Variants in DDC observed in about 807,000 individuals in gnomAD.
The protein encoded by DDC is dopa decarboxylase.
DDC carries 43 observed loss-of-function variants against 60.0 expected under a neutral mutation model. That is an observed-to-expected ratio of 0.72 (90% CI 0.56 to 0.92). The LOEUF is 0.92. Among genes scored for constraint, DDC ranks in the 40% least tolerant of loss-of-function variants. The probability of loss-of-function intolerance (pLI) is 0.00; values close to 1 mark genes in which losing one functional copy is unlikely to be tolerated. For missense variants in DDC, 573 were observed against 620.2 expected, an observed-to-expected ratio of 0.92 and a Z score of 0.81; for synonymous variants, 232 against 234.6, an observed-to-expected ratio of 0.99 and a Z score of 0.10.
intron 1 of DDC, among the ~76,000 whole-genome samples, chr7:50,552,099 G>A (rs1459971225): frequency 6.6e-6 from 1 of 152,176 alleles, no homozygotes; most frequent in Non-Finnish European, 1.5e-5. Flanking sequence ...TGTAAAGTAA[G>A]ACCTGGTTCT....
rs546044429 is a variant in DDC at position 50,494,293 on chromosome 7, G to A, written c.944+1057C>T. Among the ~76,000 whole-genome samples the A allele has an allele frequency of 1.3e-4, 20 of 152,268 alleles. No individual in the cohort carries two copies. In the East Asian group the frequency reaches 3.3e-3, roughly 25 times the overall value. Reference sequence around the variant, plus strand: ...GAGGCCGAGGAGGGTGGATCATGAGGTCAGGAGATCGAGACCATCCTGCCT... The same window carrying A: ...GAGGCCGAGGAGGGTGGATCATGAGATCAGGAGATCGAGACCATCCTGCCT... On this transcript the variant is annotated intron_variant, in intron 9 of 14. Transcript: ENST00000444124.
intron 6 of DDC, among the ~76,000 whole-genome samples, chr7:50,518,005 C>G (rs2043784201): frequency 6.6e-6 from 1 of 151,732 alleles, no homozygotes; most frequent in African/African-American, 2.4e-5. Flanking sequence ...TTCAGGAGAT[C>G]AAGAAGATGC....
chr7:50,511,550 A>G (rs2043581012), intron 6 of DDC, among the ~76,000 whole-genome samples: 1 of 152,098 alleles, frequency 6.6e-6, no homozygotes, highest in Non-Finnish European at 1.5e-5. Flanking sequence ...AACACGGTGA[A>G]ACCGTGTCTC....
At chr7:50,551,964 C>T (rs531850255) in intron 1 of DDC, among the ~76,000 whole-genome samples, 3 of 152,204 alleles carry the variant, frequency 2.0e-5, no homozygotes, top group Non-Finnish European at 2.9e-5. Context: ...TTCAGAAAGA[C>T]GCTCAGCTTC....
chr7:50,538,100 T>C, intron 3 of DDC, 121 bp from the exon 4 acceptor site: 1 of 1,274,784 alleles, frequency 7.8e-7, no homozygotes, highest in Non-Finnish European at 1.1e-6. Flanking sequence ...CAATCTCAGA[T>C]GTGATTCAAA....
At chr7:50,493,024 A>C (rs190126120) in intron 9 of DDC, 1 of 1,573,310 alleles carries the variant, frequency 6.4e-7, no homozygotes, top group African/African-American at 1.3e-5. Flanking sequence ...AGGACGCCGC[A>C]TTCATTACAC....
chr7:50,498,245 C>G (rs565148081), intron 8 of DDC, among the ~76,000 whole-genome samples: 2 of 152,250 alleles, frequency 1.3e-5, no homozygotes, highest in Non-Finnish European at 2.9e-5. Flanking sequence ...ATCTAGGATT[C>G]AAACCAAGGA....
intron 6 of DDC, among the ~76,000 whole-genome samples, chr7:50,518,798 A>G (rs1368267100): frequency 1.3e-5 from 2 of 152,240 alleles, no homozygotes; most frequent in African/African-American, 4.8e-5. Flanking sequence ...AGAAGATAAC[A>G]TTGGAAAAAC....
intron 4 of DDC, among the ~76,000 whole-genome samples, chr7:50,534,987 A>G (rs1001119090): frequency 5.3e-5 from 8 of 152,210 alleles, no homozygotes; most frequent in Non-Finnish European, 1.2e-4. Flanking sequence ...ATCTTGGCCA[A>G]GGAGGCTTCT....
chr7:50,560,232 T>C (rs956989711), intron 1 of DDC, among the ~76,000 whole-genome samples: 1 of 152,190 alleles, frequency 6.6e-6, no homozygotes, highest in Non-Finnish European at 1.5e-5. Flanking sequence ...GAAACTCTGC[T>C]TATCTGAATG....
intron 9 of DDC, chr7:50,493,130 C>G (rs1018069972): frequency 6.4e-5 from 50 of 785,030 alleles, no homozygotes; most frequent in Non-Finnish European, 8.5e-5. Context: ...GTAAAGAGAG[C>G]GTGGCAATGT....
intron 6 of DDC, among the ~76,000 whole-genome samples, chr7:50,514,216 C>G (rs142109027): frequency 1.7e-4 from 26 of 152,290 alleles, no homozygotes; most frequent in African/African-American, 6.3e-4. Flanking sequence ...TGGCCAGACC[C>G]AGAAAAGAGA....
rs1224899697 is a variant in DDC, at chr7:50,528,274, A to C, written c.577T>G (p.Ser193Ala). The change falls in exon 6 of 15, where the codon TCC (serine) becomes GCC (alanine). Residue 193 changes from serine (S) to alanine (A), a missense_variant. Ser to Ala is a moderately conservative substitution (Grantham distance 99, BLOSUM62 1). Transcript: ENST00000444124. ...ATTAACCCAGCTCTTTCCACTGAGG[A>C]GTGTGCCTGGAAAGAAGACAGCAGA... ...LVAYSSDQAH[S>A]SVERAGLIGG... 1 of 1,614,030 alleles carries C rather than the reference A, an allele frequency of 6.2e-7. No homozygotes were observed.
Position 50,543,912 on chromosome 7 carries a change from G to C in DDC, c.174C>G (p.Asn58Lys), listed in dbSNP as rs200233157. ...CAGGCATGATTATCTTCTCAACGTC[G>C]TTGATGATGTCCTCAAACGTGTCTG... ...QEPDTFEDII[N>K]DVEKIIMPGV... The change falls in exon 2 of 15, where the codon AAC (asparagine) becomes AAG (lysine). Residue 58 changes from asparagine (N) to lysine (K), a missense_variant. Asn to Lys is a moderately conservative substitution (Grantham distance 94). Transcript: ENST00000444124. 6.2e-7 allele frequency: 1 copy of C among 1,614,152 alleles called. No individual in the cohort carries two copies. Among genetic ancestry groups the C allele is most frequent in the East Asian group, 2.2e-5 (1 of 44,882 alleles).
intron 9 of DDC, chr7:50,492,775 C>G: frequency 3.4e-6 from 5 of 1,449,638 alleles, no homozygotes; most frequent in Non-Finnish European, 4.5e-6. Context: ...TCAAATTTCC[C>G]CTCACAGGCT....
intron 3 of DDC, among the ~76,000 whole-genome samples, chr7:50,538,197 G>A (rs2044483944): frequency 6.6e-6 from 1 of 152,130 alleles, no homozygotes; most frequent in African/African-American, 2.4e-5. Flanking sequence ...TTACTCCACT[G>A]AGCCTCACTG....
chr7:50,506,528 C>T (rs1817073), intron 6 of DDC, among the ~76,000 whole-genome samples: 2,917 of 152,274 alleles, frequency 0.019, 165 homozygotes, highest in Admixed American at 0.12. Context: ...GGTGAACTTG[C>T]AAGTGAGTCC....
At chr7:50,472,333 C>T (rs1365079860) in intron 11 of DDC, among the ~76,000 whole-genome samples, 1 of 152,198 alleles carries the variant, frequency 6.6e-6, no homozygotes, top group African/African-American at 2.4e-5. Flanking sequence ...CCATTTGACC[C>T]TCATTCATGG....
intron 14 of DDC, among the ~76,000 whole-genome samples, chr7:50,460,168 C>G (rs1177717909): frequency 1.4e-5 from 2 of 145,944 alleles, no homozygotes; most frequent in Non-Finnish European, 3.0e-5. Context: ...GCCAGCCGCC[C>G]CGTCCGGGAA....
Sources: allele counts gnomAD v4.1 joint callset (sites outside exome capture counted in the v4.1 genomes callset), GRCh38; gene constraint gnomAD v4.1.1; transcripts MANE v1.5; gene names NCBI Gene and HGNC (gene_info 2026-07-23, HGNC 2026-07-21).